EPC2: variants seen among roughly 807,000 people sequenced by gnomAD.
EPC2 encodes enhancer of polycomb homolog 2.
Under a neutral mutation model 92.1 loss-of-function variants are expected in EPC2, and 14 were observed. That is an observed-to-expected ratio of 0.15 (90% CI 0.10 to 0.24). EPC2 has a LOEUF of 0.24. Among genes scored for constraint, EPC2 ranks in the 10% least tolerant of loss-of-function variants. EPC2 has a pLI of 1.00. For missense variants in EPC2, 755 were observed against 971.5 expected, an observed-to-expected ratio of 0.78 and a Z score of 2.96; for synonymous variants, 340 against 334.7, an observed-to-expected ratio of 1.02 and a Z score of -0.17.
chr2:148,753,194 GC>G (rs1337524340), intron 3 of EPC2, among the ~76,000 whole-genome samples: 2 of 152,150 alleles, frequency 1.3e-5, no homozygotes, highest in Non-Finnish European at 2.9e-5. Context: ...CATTATGCTG[GC>G]TGCACTGGTA....
At chr2:148,646,376 A>T (rs1683801419) in intron 1 of EPC2, among the ~76,000 whole-genome samples, 1 of 152,200 alleles carries the variant, frequency 6.6e-6, no homozygotes, top group Non-Finnish European at 1.5e-5. Flanking sequence ...TCTTTGATGT[A>T]TAGTTACTTG....
At chr2:148,762,034 T>A in intron 5 of EPC2, 104 bp downstream of exon 5, 1 of 846,068 alleles carries the variant, frequency 1.2e-6, no homozygotes, top group Non-Finnish European at 1.8e-6. Context: ...TTTATGACAG[T>A]TGATATTGAT....
Position 148,783,495 on chromosome 2 carries a change from C to A in EPC2, c.1858-102C>A. On this transcript the variant is annotated intron_variant, in intron 11 of 13. Transcript: ENST00000258484. ...CTTAATCTAAACACTTGTAATTGTT[C>A]AAGGTTAGAAAGGCAACAGCCTCTT... is the stretch of plus-strand genomic sequence containing the variant. 3 of 1,096,208 alleles carry A rather than the reference C, an allele frequency of 2.7e-6. No individual in the cohort carries two copies. In the East Asian group the frequency reaches 7.8e-5, roughly 29 times the overall value. The allele number at this position is 1,096,208 out of a possible 1,614,324, so 67.9% of individuals were successfully genotyped here. A position where few individuals can be genotyped will look rare whatever the true frequency, so the allele number is the denominator to read the frequency against.
intron 8 of EPC2, 30 bp downstream of exon 8, chr2:148,769,270 T>C (rs745544542): frequency 6.6e-7 from 1 of 1,512,086 alleles, no homozygotes; most frequent in Non-Finnish European, 9.1e-7. Flanking sequence ...TGTGGTGTTT[T>C]TGTGAACTGG....
At chr2:148,781,812 GTTTC>G (rs1301088125) in intron 11 of EPC2, 32 bp downstream of exon 11, 1 of 1,610,598 alleles carries the variant, frequency 6.2e-7, no homozygotes, top group South Asian at 1.1e-5. Flanking sequence ...AGTTACGTTT[GTTTC>G]TTTCATCATT....
intron 3 of EPC2, among the ~76,000 whole-genome samples, chr2:148,745,981 C>G (rs1019666406): frequency 5.9e-5 from 9 of 151,984 alleles, no homozygotes; most frequent in Admixed American, 5.2e-4. Flanking sequence ...GATTTGTGCT[C>G]TCATGTCTTG....
intron 2 of EPC2, among the ~76,000 whole-genome samples, chr2:148,728,126 A>AT (rs556185538): frequency 2.0e-5 from 3 of 152,134 alleles, no homozygotes; most frequent in Non-Finnish European, 4.4e-5. Context: ...AACAGCTAGA[A>AT]TCACAGGAGC....
intron 2 of EPC2, among the ~76,000 whole-genome samples, chr2:148,699,222 T>G (rs759911439): frequency 6.6e-6 from 1 of 152,230 alleles, no homozygotes; most frequent in African/African-American, 2.4e-5. Flanking sequence ...ATAACAAAAT[T>G]TTCATGTGCT....
intron 10 of EPC2, among the ~76,000 whole-genome samples, chr2:148,780,067 T>G (rs1218490669): frequency 6.6e-6 from 1 of 152,194 alleles, no homozygotes; most frequent in African/African-American, 2.4e-5. Flanking sequence ...AAAAAAAATT[T>G]TTCATTTAAA....
chr2:148,771,212 A>T lies in EPC2; in HGVS notation c.1545A>T (p.Glu515Asp), dbSNP rs1452577626. ...GTGAAAATAGACTGTCTCTTTCTGA[A>T]ATATTAAGCAATATCAGATCATGTC... ...KHCENRLSLSEILSNIRSCRL... is the reference protein window; with the variant it reads ...KHCENRLSLSDILSNIRSCRL... The change falls in exon 10 of 14, where the codon GAA (glutamate) becomes GAT (aspartate). Residue 515 changes from glutamate (E) to aspartate (D), a missense_variant. Glu to Asp is a conservative substitution (Grantham distance 45). This residue lies in a region of EPC2 where 509 missense variants were observed against 607.7 expected (regional missense o/e 0.84). Coordinates refer to ENST00000258484, the MANE Select transcript of EPC2 (RefSeq NM_015630.4). 5.6e-6 allele frequency: 9 copies of T among 1,613,998 alleles called. No individual in the cohort carries two copies. The highest frequency in any genetic ancestry group is 7.6e-6 in the Non-Finnish European group (9 of 1,179,882).
intron 2 of EPC2, among the ~76,000 whole-genome samples, chr2:148,701,232 C>T (rs886414037): frequency 7.9e-5 from 12 of 152,110 alleles, no homozygotes; most frequent in African/African-American, 2.7e-4. Flanking sequence ...TCATTTCGTC[C>T]TAATCTGTAT....
At chr2:148,676,985 G>GT (rs575876466) in intron 1 of EPC2, among the ~76,000 whole-genome samples, 43 of 152,108 alleles carry the variant, frequency 2.8e-4, no homozygotes, top group African/African-American at 7.7e-4. Flanking sequence ...TAAAAGCCTA[G>GT]TAACCTACCA....
intron 8 of EPC2, 137 bp from the exon 9 acceptor site, chr2:148,770,655 C>A: frequency 1.0e-6 from 1 of 971,528 alleles, no homozygotes; most frequent in South Asian, 2.3e-5. Context: ...AATGAAGCCC[C>A]ACTTTTACAG....
intron 3 of EPC2, among the ~76,000 whole-genome samples, chr2:148,744,991 C>CCCT (rs1682953748): frequency 1.2e-5 from 1 of 84,502 alleles, no homozygotes; most frequent in Non-Finnish European, 2.7e-5. Context: ...ATCAGTTTGC[C>CCCT]CCCCCCCCCC....
chr2:148,663,918 G>A (rs944284489), intron 1 of EPC2, among the ~76,000 whole-genome samples: 6 of 152,078 alleles, frequency 3.9e-5, no homozygotes, highest in African/African-American at 1.4e-4. Context: ...TGAAGCTCAG[G>A]GTAATGCTTG....
At chr2:148,724,861 T>C (rs1174465061) in intron 2 of EPC2, among the ~76,000 whole-genome samples, 1 of 152,076 alleles carries the variant, frequency 6.6e-6, no homozygotes, top group Non-Finnish European at 1.5e-5. Context: ...GGAGCTAGAA[T>C]TATGATGTCA....
chr2:148,669,971 T>TAGTACA, intron 1 of EPC2, among the ~76,000 whole-genome samples: 1 of 152,292 alleles, frequency 6.6e-6, no homozygotes, highest in South Asian at 2.1e-4. Context: ...TGCTGATCAG[T>TAGTACA]AGTACACTGC....
intron 2 of EPC2, among the ~76,000 whole-genome samples, chr2:148,696,787 C>A (rs1029022701): frequency 1.3e-5 from 2 of 152,154 alleles, no homozygotes; most frequent in Non-Finnish European, 2.9e-5. Context: ...GCCACACTCC[C>A]CTGAGAGCAC....
intron 7 of EPC2, among the ~76,000 whole-genome samples, chr2:148,767,524 C>G (rs950842416): frequency 6.6e-6 from 1 of 152,034 alleles, no homozygotes; most frequent in Non-Finnish European, 1.5e-5. Context: ...TATATTTGGG[C>G]GTCATTCAGT....
Sources: gnomAD v4.1 joint callset for allele counts (sites outside exome capture counted in the v4.1 genomes callset) on GRCh38, gnomAD v4.1.1 for gene constraint, gnomAD v4.1.1 regional missense constraint, MANE v1.5 for transcripts, NCBI Gene and HGNC (gene_info 2026-07-23, HGNC 2026-07-21) for gene names.